Variants in MCFD2 observed in about 807,000 individuals in gnomAD.
The protein encoded by MCFD2 is multiple coagulation factor deficiency 2, ER cargo receptor complex subunit.
In MCFD2, 11 loss-of-function variants were observed where a neutral mutation model predicts 12.8. The observed-to-expected ratio is 0.86, with a 90% CI of 0.54 to 1.42. The LOEUF is 1.42. Among genes scored for constraint, MCFD2 ranks in the 40% most tolerant of loss-of-function variants. The probability of loss-of-function intolerance (pLI) is 0.00; values close to 1 mark genes in which losing one functional copy is unlikely to be tolerated. For missense variants in MCFD2, 191 were observed against 178.6 expected (o/e 1.07, Z -0.40); for synonymous variants, 70 against 68.1 (o/e 1.03, Z -0.14).
intron 1 of MCFD2, chr2:46,914,037 T>C (rs2103767212): frequency 6.6e-6 from 1 of 152,506 alleles, no homozygotes; most frequent in African/African-American, 2.4e-5. Context: ...TCTCTGAGAG[T>C]CAGGACCCTC....
chr2:46,912,264 G>A (rs986669860), intron 1 of MCFD2, among the ~76,000 whole-genome samples: 26 of 152,196 alleles, frequency 1.7e-4, no homozygotes, highest in African/African-American at 5.5e-4. Flanking sequence ...GCTTGAACCC[G>A]GGAGGCAGAG....
In MCFD2 at chr2:46,903,707, A is replaced by T. The variant is rs1668102653; in HGVS notation, c.*1756T>A. 1 of 152,254 alleles carries T rather than the reference A, an allele frequency of 6.6e-6. No individual in the cohort carries two copies. The allele number at this position is 152,254 out of a possible 1,614,324, so 9.4% of individuals were successfully genotyped here. On this transcript the variant is annotated 3_prime_UTR_variant, in exon 4 of 4. Transcript: ENST00000319466. ...GAACTTGAGAGAGATGATTTAGGTT[A>T]ACTAGCGGAAGAAATTTCTAAGCAG...
intron 1 of MCFD2, chr2:46,910,923 C>A: frequency 6.6e-6 from 1 of 152,290 alleles, no homozygotes; most frequent in Non-Finnish European, 1.5e-5. Context: ...CCCTATAGTC[C>A]CAGCCACTCA....
At chr2:46,931,520 G>C (rs1054395947) in intron 1 of MCFD2, among the ~76,000 whole-genome samples, 1 of 150,230 alleles carries the variant, frequency 6.7e-6, no homozygotes, top group African/African-American at 2.5e-5. Context: ...GAAACAGGAG[G>C]GTCAGAGTCA....
chr2:46,930,990 A>C (rs75318949), intron 1 of MCFD2, among the ~76,000 whole-genome samples: 2 of 151,222 alleles, frequency 1.3e-5, no homozygotes, highest in Non-Finnish European at 3.0e-5. Flanking sequence ...CCAGATGAGA[A>C]AATTTAGCCG....
At chr2:46,923,551 TTACTC>T (rs750562392) in intron 1 of MCFD2, among the ~76,000 whole-genome samples, 91 of 152,300 alleles carry the variant, frequency 6.0e-4, no homozygotes, top group Admixed American at 2.4e-3. Context: ...ACCTGTCTCT[TTACTC>T]TTTTTAACAC....
At chr2:46,919,781 T>G (rs547838615), upstream of MCFD2, among the ~76,000 whole-genome samples, 3 of 152,338 alleles carry the variant, frequency 2.0e-5, no homozygotes, top group African/African-American at 7.2e-5. Context: ...TTCCAGATTC[T>G]CCAACTGAGA....
rs781195000 is a variant in MCFD2 at position 46,905,035 on chromosome 2, C to T, written c.*428G>A. On this transcript the variant is annotated 3_prime_UTR_variant, in exon 4 of 4. Coordinates refer to ENST00000319466, the MANE Select transcript of MCFD2 (RefSeq NM_139279.6). ...GAATAAGTTTCACAAGATCTGATGG[C>T]TTATCAGGGGTTTCCACTTTTGCTT... 13 of 293,504 alleles carry T rather than the reference C, an allele frequency of 4.4e-5. No individual in the cohort carries two copies. The highest frequency in any genetic ancestry group is 7.1e-5 in the Non-Finnish European group (11 of 154,842). The allele number at this position is 293,504 out of a possible 1,614,324, so 18.2% of individuals were successfully genotyped here.
At position 46,905,250 on chromosome 2, in the gene MCFD2, G is replaced by A; in HGVS notation, c.*213C>T. 3.4e-6 allele frequency: 2 copies of A among 584,442 alleles called. No individual in the cohort carries two copies. The highest frequency in any genetic ancestry group is 3.7e-5 in the South Asian group (2 of 54,752). The allele number at this position is 584,442 out of a possible 1,614,324, so 36.2% of individuals were successfully genotyped here. A position where few individuals can be genotyped will look rare whatever the true frequency, so the allele number is the denominator to read the frequency against. ...CTTGAAGCAAGCCCTTGTCCAATAAGGTATTTAATAGCACTTAGGGACTAT... is the reference window on the plus strand; with the variant it reads ...CTTGAAGCAAGCCCTTGTCCAATAAAGTATTTAATAGCACTTAGGGACTAT... On this transcript the variant is annotated 3_prime_UTR_variant, in exon 4 of 4. Coordinates refer to ENST00000319466, the MANE Select transcript of MCFD2 (RefSeq NM_139279.6).
intron 1 of MCFD2, among the ~76,000 whole-genome samples, chr2:46,928,677 G>A (rs1669532228): frequency 6.6e-6 from 1 of 152,028 alleles, no homozygotes; most frequent in Admixed American, 6.6e-5. Context: ...GACTGAGGTT[G>A]GAGGATGGCT....
At position 46,940,815 on chromosome 2, in the gene MCFD2, C is replaced by T. The variant is rs957970641; in HGVS notation, c.-8+757G>A. Among the ~76,000 whole-genome samples, 2 of 152,140 alleles carry T rather than the reference C, an allele frequency of 1.3e-5. No homozygotes were observed. Among genetic ancestry groups the T allele is most frequent in the Non-Finnish European group, 1.5e-5 (1 of 68,006 alleles). On this transcript the variant is annotated intron_variant, in intron 1 of 2. Coordinates refer to the MCFD2 transcript ENST00000409147. This position sits in a 1 kb window ranked among gnomAD's most constrained non-coding sequence, Gnocchi z 4.7. ...GGCGGGGCGGACAGCGGCAGGCCAG[C>T]TCCCGGGAGGCTCGCCGTCGGGGTT...
At chr2:46,928,578 T>C (rs1389703256) in intron 1 of MCFD2, among the ~76,000 whole-genome samples, 2 of 150,540 alleles carry the variant, frequency 1.3e-5, no homozygotes, top group African/African-American at 4.9e-5. Context: ...GAGACCAACC[T>C]AGGCAACATG....
intron 1 of MCFD2, among the ~76,000 whole-genome samples, chr2:46,923,188 T>C (rs1669195340): frequency 6.6e-6 from 1 of 152,208 alleles, no homozygotes; most frequent in Admixed American, 6.5e-5. Context: ...AGCCCTGTTA[T>C]TTTGGATTTT....
chr2:46,932,054 A>G (rs1460285959), intron 1 of MCFD2, among the ~76,000 whole-genome samples: 1 of 152,236 alleles, frequency 6.6e-6, no homozygotes, highest in Non-Finnish European at 1.5e-5. Context: ...TTCAATTTCA[A>G]TCATAATGTT....
At chr2:46,921,771 G>A (rs35938067) in intron 1 of MCFD2, among the ~76,000 whole-genome samples, 6,685 of 152,262 alleles carry the variant, frequency 0.044, 184 homozygotes, top group Middle Eastern at 0.088. Flanking sequence ...TCAGGCATTA[G>A]TTAGATTCTC....
rs76487699 is a variant in MCFD2, at chr2:46,929,508, T to G, written c.-8+12064A>C. 2.2e-3 allele frequency among the ~76,000 whole-genome samples: 341 copies of G among 152,046 alleles called. 3 individuals are homozygous for G. The highest frequency in any genetic ancestry group is 7.8e-3 in the African/African-American group (324 of 41,470). On this transcript the variant is annotated intron_variant, in intron 1 of 2. Coordinates refer to the MCFD2 transcript ENST00000409147. ...CAAAATACATAAATAAATAAAGAAA[T>G]AAATAGCTCTTCTAAATAACATGTA...
intron 1 of MCFD2, chr2:46,912,622 T>C (rs1439745744): frequency 6.6e-6 from 1 of 152,248 alleles, no homozygotes; most frequent in Non-Finnish European, 1.5e-5. Context: ...TCCCAAGTGC[T>C]TCCCTTCAGA....
chr2:46,927,360 T>TG (rs1303362366), intron 1 of MCFD2, among the ~76,000 whole-genome samples: 3 of 150,096 alleles, frequency 2.0e-5, no homozygotes, highest in Admixed American at 1.3e-4. Context: ...AAAAGATTTT[T>TG]TTTTTTTTTT....
intron 1 of MCFD2, among the ~76,000 whole-genome samples, chr2:46,929,093 G>A (rs1047728361): frequency 1.4e-4 from 22 of 152,146 alleles, no homozygotes; most frequent in African/African-American, 5.3e-4. Flanking sequence ...AACCTGGAAG[G>A]TGGAGGTTGG....
Sources: allele counts gnomAD v4.1 joint callset (sites outside exome capture counted in the v4.1 genomes callset), GRCh38; gene constraint gnomAD v4.1.1; non-coding constraint Gnocchi (gnomAD v3.1); transcripts MANE v1.5; gene names NCBI Gene and HGNC (gene_info 2026-07-23, HGNC 2026-07-21).